Variants in PDE11A observed in about 807,000 individuals in gnomAD.
PDE11A encodes the protein phosphodiesterase 11A, also known as dual 3',5'-cyclic-AMP and -GMP phosphodiesterase 11A.
Under a neutral mutation model 100.5 loss-of-function variants are expected in PDE11A, and 100 were observed. The observed-to-expected ratio is 1.00, with a 90% CI of 0.85 to 1.18. PDE11A has a LOEUF of 1.18. Among genes scored for constraint, PDE11A ranks in the 50% most tolerant of loss-of-function variants. PDE11A has a pLI of 0.00. For missense variants in PDE11A, 1,141 were observed against 1,152.6 expected (o/e 0.99, Z 0.15); for synonymous variants, 381 against 420.8 (o/e 0.91, Z 1.16).
At chr2:177,883,909 C>T (rs1230702556) in intron 4 of PDE11A, among the ~76,000 whole-genome samples, 1 of 152,150 alleles carries the variant, frequency 6.6e-6, no homozygotes, top group East Asian at 1.9e-4. Flanking sequence ...GATCTAGCCA[C>T]CACTAGAACT....
chr2:177,716,924 T>C (rs1239779310), intron 12 of PDE11A, among the ~76,000 whole-genome samples: 1 of 152,228 alleles, frequency 6.6e-6, no homozygotes, highest in Non-Finnish European at 1.5e-5. Context: ...AGATGGAACA[T>C]ATTTTGCTAA....
rs952199293 is a variant in PDE11A at position 178,104,578 on chromosome 2, T to C, written c.-13-102A>G. 1.7e-5 allele frequency: 17 copies of C among 972,532 alleles called. No individual in the cohort carries two copies. In the African/African-American group the frequency reaches 2.3e-4, roughly 13 times the overall value. 60.2% of individuals were successfully genotyped at this position (972,532 alleles called of 1,614,324 possible). A position where few individuals can be genotyped will look rare whatever the true frequency, so the allele number is the denominator to read the frequency against. ...CCATCATTTTGACTGAAGTGAATGC[T>C]GATGATGTTAAACAAAAACATATCC... On this transcript the variant is annotated intron_variant, in intron 1 of 20. Coordinates refer to the PDE11A transcript ENST00000358450.
intron 19 of PDE11A, among the ~76,000 whole-genome samples, chr2:177,634,502 C>T (rs2080007494): frequency 6.6e-6 from 1 of 151,304 alleles, no homozygotes; most frequent in South Asian, 2.1e-4. Context: ...GATTCTCTTG[C>T]TCAGCTTCCC....
chr2:177,743,106 A>G (rs2081897852), intron 10 of PDE11A, among the ~76,000 whole-genome samples: 1 of 152,266 alleles, frequency 6.6e-6, no homozygotes, highest in East Asian at 1.9e-4. Flanking sequence ...AAAGCTGTTG[A>G]AAATGATTTT....
At chr2:177,913,640 A>T (rs1574274288) in intron 2 of PDE11A, among the ~76,000 whole-genome samples, 1 of 151,982 alleles carries the variant, frequency 6.6e-6, no homozygotes, top group Admixed American at 6.6e-5. Context: ...CATAAGTGGG[A>T]TCACACTATG....
chr2:177,726,164 C>G (rs760635192), intron 12 of PDE11A, among the ~76,000 whole-genome samples: 1 of 151,998 alleles, frequency 6.6e-6, no homozygotes, highest in South Asian at 2.1e-4. Flanking sequence ...CACTTGATGG[C>G]TCACTCCTCT....
intron 17 of PDE11A, among the ~76,000 whole-genome samples, chr2:177,673,430 G>A (rs2105493239): frequency 6.6e-6 from 1 of 152,328 alleles, no homozygotes; most frequent in East Asian, 1.9e-4. Context: ...CTCACAGTGA[G>A]TACCCAGTGG....
chr2:177,935,859 A>G (rs901774310), intron 2 of PDE11A, among the ~76,000 whole-genome samples: 1 of 152,224 alleles, frequency 6.6e-6, no homozygotes, highest in Non-Finnish European at 1.5e-5. Flanking sequence ...CCTATCTCCA[A>G]GAGATGTCAG....
At chr2:177,675,363 A>T in intron 17 of PDE11A, 92 bp downstream of exon 17, 1 of 901,858 alleles carries the variant, frequency 1.1e-6, no homozygotes, top group Non-Finnish European at 1.9e-6. Flanking sequence ...CTAGGGTTTC[A>T]GTGCCTGGTA....
chr2:178,055,462 C>G (rs1330770901), intron 1 of PDE11A, among the ~76,000 whole-genome samples: 3 of 151,804 alleles, frequency 2.0e-5, no homozygotes, highest in Non-Finnish European at 4.4e-5. Flanking sequence ...CAAACCTGCA[C>G]GTTGTGCACA....
At chr2:177,875,391 T>G (rs973903598) in intron 5 of PDE11A, among the ~76,000 whole-genome samples, 2 of 151,982 alleles carry the variant, frequency 1.3e-5, no homozygotes, top group African/African-American at 4.8e-5. Context: ...TTATTTTATT[T>G]TTTTGAGGCA....
At chr2:178,078,132 T>A (rs1464476897) in intron 2 of PDE11A, among the ~76,000 whole-genome samples, 1 of 151,914 alleles carries the variant, frequency 6.6e-6, no homozygotes, top group Non-Finnish European at 1.5e-5. Flanking sequence ...TCTCCAAGCA[T>A]TCTCCCCTTC....
At position 177,675,082 on chromosome 2, in the gene PDE11A, GCCT is replaced by G. The variant is rs1164686309; in HGVS notation, c.2487+370_2487+372del. ...AAAAGAAAAATATAATTTCCTTTTT[GCCT>G]CCTTTTATTTTCAGATATTAAAAAA... On this transcript the variant is annotated intron_variant, in intron 17 of 19. Transcript: ENST00000286063. 4.6e-5 allele frequency among the ~76,000 whole-genome samples: 7 copies of G among 150,882 alleles called. No individual in the cohort carries two copies. The East Asian group carries it at 1.4e-3, about 30-fold the overall frequency.
intron 9 of PDE11A, among the ~76,000 whole-genome samples, chr2:177,790,962 T>G (rs112614590): frequency 0.013 from 1,926 of 152,286 alleles, 46 homozygotes; most frequent in African/African-American, 0.044. Context: ...GTTCAACCAT[T>G]GTGGAAGTCA....
intron 10 of PDE11A, among the ~76,000 whole-genome samples, chr2:177,754,177 T>C (rs918048775): frequency 6.6e-6 from 1 of 152,064 alleles, no homozygotes; most frequent in Non-Finnish European, 1.5e-5. Context: ...GGAGTGACAG[T>C]TGGGAAGAGC....
chr2:177,967,699 T>G (rs187481269), intron 2 of PDE11A, among the ~76,000 whole-genome samples: 1 of 151,986 alleles, frequency 6.6e-6, no homozygotes. Context: ...CCAGGGCCCA[T>G]CCCCACACAA....
rs530472425 is a variant in PDE11A at position 177,671,951 on chromosome 2, T to C, written c.2488-2384A>G. Among the ~76,000 whole-genome samples, 6 of 152,286 alleles carry C rather than the reference T, an allele frequency of 3.9e-5. No homozygotes were observed. In the East Asian group the frequency reaches 1.2e-3, roughly 29 times the overall value. On this transcript the variant is annotated intron_variant, in intron 17 of 19. Coordinates refer to ENST00000286063, the MANE Select transcript of PDE11A (RefSeq NM_016953.4). ...GGTTTCTGAAGGTGCTGGCACATCA[T>C]ACCTCACCCCATTCCCTTTCTGCTC...
intron 10 of PDE11A, among the ~76,000 whole-genome samples, chr2:177,757,111 C>A (rs1405839945): frequency 1.3e-5 from 2 of 152,192 alleles, no homozygotes; most frequent in African/African-American, 4.8e-5. Flanking sequence ...CTTTGTACCT[C>A]AGTTTTATCA....
At chr2:178,055,674 T>C (rs1020593684) in intron 1 of PDE11A, among the ~76,000 whole-genome samples, 1 of 152,070 alleles carries the variant, frequency 6.6e-6, no homozygotes. Context: ...ATTATTATCA[T>C]GATTATTTTA....
Sources: gnomAD v4.1 joint callset for allele counts (sites outside exome capture counted in the v4.1 genomes callset) on GRCh38, gnomAD v4.1.1 for gene constraint, MANE v1.5 for transcripts, NCBI Gene and HGNC (gene_info 2026-07-23, HGNC 2026-07-21) for gene names.